The following NCAM1 variants were observed in gnomAD, a reference collection of about 807,000 sequenced individuals.
NCAM1 encodes neural cell adhesion molecule 1.
In NCAM1, 14 loss-of-function variants were observed where a neutral mutation model predicts 109.8. That is an observed-to-expected ratio of 0.13 (90% CI 0.08 to 0.20). NCAM1 has a LOEUF of 0.20. Among genes scored for constraint, NCAM1 ranks in the 10% least tolerant of loss-of-function variants. The pLI is 1.00. For synonymous variants in NCAM1, 418 were observed against 442.9 expected (o/e 0.94, Z 0.70); for missense variants, 774 against 1,109.9 (o/e 0.70, Z 4.30).
Position 113,206,052 on chromosome 11 carries a change from T to C in NCAM1, c.500T>C (p.Ile167Thr). ...DVILKKDVRFIVLSNNYLQIR... is the reference protein window; with the variant it reads ...DVILKKDVRFTVLSNNYLQIR... Reference sequence around the variant, plus strand: ...CTCTTATCTCTTCTAGTCCGATTCATAGTCCTGTCCAACAACTACCTGCAG... The same window carrying C: ...CTCTTATCTCTTCTAGTCCGATTCACAGTCCTGTCCAACAACTACCTGCAG... The change falls in exon 5 of 20, where the codon ATA (isoleucine) becomes ACA (threonine). Residue 167 changes from isoleucine to threonine, a missense_variant. Ile to Thr is a moderately conservative substitution (Grantham distance 89). Coordinates refer to ENST00000316851, the MANE Select transcript of NCAM1 (RefSeq NM_181351.5). 1 of 1,614,008 alleles carries C rather than the reference T, an allele frequency of 6.2e-7. No homozygotes were observed. The highest frequency in any genetic ancestry group is 2.2e-5 in the East Asian group (1 of 44,874).
At chr11:113,108,006 C>A (rs59168216) in intron 1 of NCAM1, among the ~76,000 whole-genome samples, 10,581 of 152,096 alleles carry the variant, frequency 0.07, 732 homozygotes, top group Admixed American at 0.17. Flanking sequence ...GAGATAAGTT[C>A]CCCCAAGCTC....
chr11:113,231,391 G>A, intron 9 of NCAM1: 1 of 1,217,204 alleles, frequency 8.2e-7, no homozygotes, highest in Non-Finnish European at 1.1e-6. Flanking sequence ...TTGGTACTTA[G>A]ATCAGGCTGC....
intron 1 of NCAM1, among the ~76,000 whole-genome samples, chr11:112,978,547 TA>T (rs1951068230): frequency 1.3e-5 from 2 of 151,842 alleles, no homozygotes. Flanking sequence ...GAGCTACTTA[TA>T]ATGTTTCTCT....
At chr11:113,199,228 G>A (rs17115117) in intron 1 of NCAM1, among the ~76,000 whole-genome samples, 3,140 of 152,202 alleles carry the variant, frequency 0.021, 78 homozygotes, top group East Asian at 0.074. Context: ...GCCCAGTGAC[G>A]AAATTCCACT....
intron 1 of NCAM1, among the ~76,000 whole-genome samples, chr11:113,127,792 G>A (rs782767353): frequency 4.6e-5 from 7 of 152,166 alleles, no homozygotes; most frequent in Non-Finnish European, 1.0e-4. Flanking sequence ...GAAATAGTCC[G>A]GTGGTTCTCA....
At chr11:113,120,489 C>G (rs1279005904) in intron 1 of NCAM1, among the ~76,000 whole-genome samples, 3 of 152,046 alleles carry the variant, frequency 2.0e-5, no homozygotes, top group African/African-American at 7.2e-5. Context: ...AAATTGTGAC[C>G]CAGGCTCATT....
chr11:113,134,320 TC>T lies in NCAM1; in HGVS notation c.53-68058del, dbSNP rs541854034. 8.9e-3 allele frequency among the ~76,000 whole-genome samples: 1,360 copies of T among 152,314 alleles called. 9 individuals are homozygous for T. The highest frequency in any genetic ancestry group is 0.015 in the Non-Finnish European group (1,051 of 68,022). On this transcript the variant is annotated intron_variant, in intron 1 of 19. Coordinates refer to ENST00000316851, the MANE Select transcript of NCAM1 (RefSeq NM_181351.5). The stretch of plus-strand genomic sequence containing the variant: ...TTTTCGCATGTAACCGGATTTTTTT[TC>T]GTTTTTTAAGTCTGAATAATATTTC...
intron 1 of NCAM1, among the ~76,000 whole-genome samples, chr11:113,094,754 G>A (rs1448428183): frequency 1.3e-5 from 2 of 152,146 alleles, no homozygotes; most frequent in Non-Finnish European, 2.9e-5. Flanking sequence ...AAGGGCATCT[G>A]GGCTATCTGA....
chr11:113,191,645 G>A (rs1459271024), intron 1 of NCAM1, among the ~76,000 whole-genome samples: 4 of 152,100 alleles, frequency 2.6e-5, no homozygotes, highest in Non-Finnish European at 5.9e-5. Context: ...CTATCTTATA[G>A]GATTGTTGTG....
In NCAM1 at chr11:113,082,198, T is replaced by C. The variant is rs560037155; in HGVS notation, c.53-120181T>C. Among the ~76,000 whole-genome samples, 14 of 152,322 alleles carry C rather than the reference T, an allele frequency of 9.2e-5. No individual in the cohort carries two copies. In the East Asian group the frequency reaches 1.9e-3, roughly 21 times the overall value. On this transcript the variant is annotated intron_variant, in intron 1 of 19. Transcript: ENST00000316851. ...TCAGCTCGACAATGGCCAGTTATAATTGATAACTGAGAAAAAGTTGTTGGA... is the reference window on the plus strand; with the variant it reads ...TCAGCTCGACAATGGCCAGTTATAACTGATAACTGAGAAAAAGTTGTTGGA...
Position 113,273,593 on chromosome 11 carries a change from C to T in NCAM1, c.2457-1674C>T, listed in dbSNP as rs782397567. ...CCCAGGGCGAGGACTTTAAAATGGA[C>T]GAAGGGAACTTCAAGACCCCAGATA... On this transcript the variant is annotated intron_variant, in intron 19 of 19. Coordinates refer to ENST00000316851, the MANE Select transcript of NCAM1 (RefSeq NM_181351.5). The surrounding 1 kb of genome is among the most constrained non-coding windows in gnomAD (Gnocchi z 6.0). 2.5e-4 allele frequency: 109 copies of T among 439,282 alleles called. No homozygotes were observed. The highest frequency in any genetic ancestry group is 5.0e-4 in the East Asian group (7 of 13,974). The allele number at this position is 439,282 out of a possible 1,614,324, so 27.2% of individuals were successfully genotyped here. A position where few individuals can be genotyped will look rare whatever the true frequency, so the allele number is the denominator to read the frequency against.
At chr11:113,234,966 T>G in intron 13 of NCAM1, 67 bp from the exon 14 acceptor site, 2 of 1,490,360 alleles carry the variant, frequency 1.3e-6, no homozygotes, top group Non-Finnish European at 1.8e-6. Context: ...CCCTCCCTAC[T>G]GTTTTTCAGA....
At chr11:113,025,031 C>T (rs1388747983) in intron 1 of NCAM1, among the ~76,000 whole-genome samples, 2 of 152,226 alleles carry the variant, frequency 1.3e-5, no homozygotes, top group Non-Finnish European at 2.9e-5. Flanking sequence ...TGGCTAACAG[C>T]TTCCAAACGG....
At chr11:113,024,829 A>C (rs1040294434) in intron 1 of NCAM1, among the ~76,000 whole-genome samples, 6 of 152,208 alleles carry the variant, frequency 3.9e-5, no homozygotes, top group Non-Finnish European at 8.8e-5. Context: ...AAGATTGTTT[A>C]GGATATTTTC....
chr11:113,072,733 C>CTTTT (rs11373449), intron 1 of NCAM1, among the ~76,000 whole-genome samples: 1 of 145,478 alleles, frequency 6.9e-6, no homozygotes, highest in African/African-American at 2.5e-5. Flanking sequence ...CTAGAGTCAT[C>CTTTT]TTTTTTTTTT....
intron 1 of NCAM1, among the ~76,000 whole-genome samples, chr11:113,075,347 G>A (rs940549784): frequency 1.4e-4 from 22 of 152,106 alleles, no homozygotes; most frequent in Non-Finnish European, 2.9e-5. Flanking sequence ...TGAGATTACA[G>A]GTGTGAACTA....
chr11:113,168,504 G>A (rs566095499), intron 1 of NCAM1, among the ~76,000 whole-genome samples: 2 of 152,278 alleles, frequency 1.3e-5, no homozygotes, highest in African/African-American at 4.8e-5. Context: ...GAAGGGCAGC[G>A]TGTGTCCTCC....
chr11:113,272,033 A>C (rs914791109), intron 19 of NCAM1, among the ~76,000 whole-genome samples, 157 bp downstream of exon 19: 1 of 151,640 alleles, frequency 6.6e-6, no homozygotes, highest in Non-Finnish European at 1.5e-5. Context: ...CTTGGCTGAG[A>C]AATGCCTGAC....
chr11:113,176,266 C>A (rs931921451), intron 1 of NCAM1, among the ~76,000 whole-genome samples: 6 of 152,192 alleles, frequency 3.9e-5, no homozygotes, highest in Non-Finnish European at 8.8e-5. Flanking sequence ...CAAGGACAAG[C>A]ATGGCCTCTT....
Sources: gnomAD v4.1 joint callset for allele counts (sites outside exome capture counted in the v4.1 genomes callset) on GRCh38, gnomAD v4.1.1 for gene constraint, Gnocchi (gnomAD v3.1) non-coding constraint, MANE v1.5 for transcripts, NCBI Gene and HGNC (gene_info 2026-07-23, HGNC 2026-07-21) for gene names.